CALN1: variants seen among roughly 807,000 people sequenced by gnomAD.
The protein encoded by CALN1 is calneuron 1, also known as calcium-binding protein 8.
CALN1 carries 17 observed loss-of-function variants against 30.6 expected under a neutral mutation model. The observed-to-expected ratio is 0.56, with a 90% CI of 0.38 to 0.83. The LOEUF (loss-of-function observed/expected upper bound fraction) is 0.83, where lower values mean the gene tolerates loss of function less well. Among genes scored for constraint, CALN1 ranks in the 40% least tolerant of loss-of-function variants. The pLI, the probability that CALN1 is intolerant of heterozygous loss-of-function variation, is 0.00. For missense variants in CALN1, 291 were observed against 354.9 expected (o/e 0.82, Z 1.45); for synonymous variants, 156 against 131.4 (o/e 1.19, Z -1.28).
intron 4 of CALN1, among the ~76,000 whole-genome samples, chr7:72,025,501 T>C (rs1800998480): frequency 6.6e-6 from 1 of 152,210 alleles, no homozygotes. Flanking sequence ...ATGATGTCTC[T>C]TGCTCGTTCT....
chr7:72,396,571 T>TA (rs765761385), intron 2 of CALN1, among the ~76,000 whole-genome samples: 1 of 152,076 alleles, frequency 6.6e-6, no homozygotes, highest in African/African-American at 2.4e-5. Flanking sequence ...GGGGAAGAGA[T>TA]ATCTGAGCAC....
chr7:71,916,567 G>A (rs924957006), intron 5 of CALN1, among the ~76,000 whole-genome samples: 1 of 152,104 alleles, frequency 6.6e-6, no homozygotes, highest in Non-Finnish European at 1.5e-5. Context: ...ACTAATGCAG[G>A]AACAGAAAAC....
At chr7:72,304,623 T>C (rs542544519) in intron 2 of CALN1, among the ~76,000 whole-genome samples, 2 of 152,314 alleles carry the variant, frequency 1.3e-5, no homozygotes, top group South Asian at 2.1e-4. Context: ...CTCTTTTACG[T>C]CTATCTACTT....
intron 2 of CALN1, among the ~76,000 whole-genome samples, chr7:72,380,891 C>T (rs1443559077): frequency 2.6e-5 from 4 of 151,982 alleles, no homozygotes; most frequent in Non-Finnish European, 4.4e-5. Context: ...ATGGGGTCAC[C>T]CTAAAAGGAT....
chr7:71,867,713 G>A (rs111444576), intron 5 of CALN1, among the ~76,000 whole-genome samples: 24,350 of 152,156 alleles, frequency 0.16, 2,482 homozygotes, highest in Non-Finnish European at 0.22. Flanking sequence ...GATCACAGGA[G>A]TGAGCTACCG....
intron 4 of CALN1, among the ~76,000 whole-genome samples, chr7:72,066,001 A>G (rs1803997210): frequency 6.6e-6 from 1 of 152,258 alleles, no homozygotes; most frequent in East Asian, 1.9e-4. Context: ...TAAAATTCGC[A>G]TTATTGATAG....
intron 5 of CALN1, among the ~76,000 whole-genome samples, chr7:71,822,548 C>T (rs754443100): frequency 2.8e-4 from 43 of 152,132 alleles, no homozygotes; most frequent in Non-Finnish European, 8.8e-5. Context: ...GTGCCTGGCC[C>T]GCTTCTGGTT....
the CALN1 span, among the ~76,000 whole-genome samples, chr7:72,473,592 G>T: frequency 6.6e-6 from 1 of 152,168 alleles, no homozygotes; most frequent in African/African-American, 2.4e-5. Context: ...ATAATTAAGA[G>T]AGTTGGGTAA....
intron 5 of CALN1, among the ~76,000 whole-genome samples, chr7:71,915,643 A>T (rs1185559233): frequency 6.6e-6 from 1 of 152,190 alleles, no homozygotes; most frequent in Non-Finnish European, 1.5e-5. Context: ...CTGAGGCAGG[A>T]GAATCACTTG....
chr7:71,985,234 GA>G (rs1798602483), intron 5 of CALN1, among the ~76,000 whole-genome samples: 1 of 152,154 alleles, frequency 6.6e-6, no homozygotes, highest in African/African-American at 2.4e-5. Context: ...AAACGACTAT[GA>G]AATATCATTT....
intron 6 of CALN1, among the ~76,000 whole-genome samples, chr7:71,807,220 T>C (rs983954025): frequency 2.0e-5 from 3 of 152,096 alleles, no homozygotes; most frequent in African/African-American, 7.2e-5. Flanking sequence ...CGGGCCCCCG[T>C]TTGTGGATAT....
intron 2 of CALN1, among the ~76,000 whole-genome samples, chr7:72,378,686 A>C (rs1804709754): frequency 3.6e-5 from 1 of 27,414 alleles, no homozygotes; most frequent in South Asian, 3.6e-3. Context: ...CCATCTGCCA[A>C]GTTTTTTTTT....
At chr7:71,947,834 G>T (rs934729961) in intron 5 of CALN1, among the ~76,000 whole-genome samples, 1 of 151,726 alleles carries the variant, frequency 6.6e-6, no homozygotes, top group African/African-American at 2.4e-5. Context: ...CAGCTACTCG[G>T]GAGGCTGAGG....
intron 5 of CALN1, among the ~76,000 whole-genome samples, chr7:71,860,471 A>G (rs1011123925): frequency 7.2e-5 from 11 of 152,132 alleles, no homozygotes; most frequent in East Asian, 1.9e-4. Flanking sequence ...GATTACAGGC[A>G]TGAGCCACCG....
chr7:72,486,838 G>A, the CALN1 span, among the ~76,000 whole-genome samples: 1 of 151,924 alleles, frequency 6.6e-6, no homozygotes, highest in African/African-American at 2.4e-5. Flanking sequence ...CCTACTATAT[G>A]GTAGCTAGTA....
At chr7:72,424,416 A>G (rs1170743085) in intron 1 of CALN1, among the ~76,000 whole-genome samples, 1 of 152,132 alleles carries the variant, frequency 6.6e-6, no homozygotes, top group African/African-American at 2.4e-5. Context: ...GGGGACTAAA[A>G]TGTGTAGTGC....
intron 4 of CALN1, among the ~76,000 whole-genome samples, chr7:72,051,143 ATTAG>A (rs557346331): frequency 2.6e-5 from 4 of 152,080 alleles, no homozygotes; most frequent in African/African-American, 9.6e-5. Flanking sequence ...TGATGGTAGA[ATTAG>A]TTAATTGGGA....
chr7:72,184,831 C>T (rs1790067884), intron 3 of CALN1, among the ~76,000 whole-genome samples: 1 of 151,680 alleles, frequency 6.6e-6, no homozygotes, highest in Non-Finnish European at 1.5e-5. Context: ...CTTACTCTGT[C>T]ACCCAGGCTG....
intron 1 of CALN1, among the ~76,000 whole-genome samples, chr7:72,430,699 C>T (rs930573544): frequency 2.0e-5 from 3 of 152,118 alleles, no homozygotes; most frequent in Non-Finnish European, 4.4e-5. Context: ...AGAAGCAATG[C>T]CAGCTCTAAG....
Sources: allele counts gnomAD v4.1 joint callset (sites outside exome capture counted in the v4.1 genomes callset), GRCh38; gene constraint gnomAD v4.1.1; transcripts MANE v1.5; gene names NCBI Gene and HGNC (gene_info 2026-07-23, HGNC 2026-07-21).